Variants in CNNM2 observed in about 807,000 individuals in gnomAD.
CNNM2 encodes cyclin and CBS domain divalent metal cation transport mediator 2, also known as metal transporter CNNM2.
A neutral mutation model predicts 66.9 loss-of-function variants in CNNM2; 12 were observed. That is an observed-to-expected ratio of 0.18 (90% CI 0.11 to 0.29). The LOEUF is 0.29. Ranked by LOEUF, CNNM2 falls within the 10% of genes least tolerant of loss-of-function variation. The pLI is 1.00. For synonymous variants in CNNM2, 557 were observed against 501.8 expected (o/e 1.11, Z -1.47); for missense variants, 705 against 1,167.7 (o/e 0.60, Z 5.77).
Position 102,973,520 on chromosome 10 carries a change from T to TG in CNNM2, c.1621+53419_1621+53420insG, listed in dbSNP as rs1423065192. On this transcript the variant is annotated intron_variant, in intron 1 of 7. Transcript: ENST00000369878. ...TAATTTTCTGTGTGTGTGTGTGTGTTTTTTTTTTTTTTGGTAGAGACAAGG... is the reference window on the plus strand; with the variant it reads ...TAATTTTCTGTGTGTGTGTGTGTGTTGTTTTTTTTTTTTGGTAGAGACAAGG... Among the ~76,000 whole-genome samples the TG allele has an allele frequency of 3.1e-3, 356 of 116,344 alleles. 1 individual carries two copies. Among genetic ancestry groups the TG allele is most frequent in the African/African-American group, 9.7e-3 (340 of 35,148 alleles). 76.3% of individuals were successfully genotyped at this position (116,344 alleles called of 152,430 possible).
chr10:103,010,664 G>A (rs2064325024), intron 1 of CNNM2, among the ~76,000 whole-genome samples: 1 of 152,134 alleles, frequency 6.6e-6, no homozygotes, highest in Admixed American at 6.5e-5. Context: ...CCAGGCTGGA[G>A]TGCAGTGGTG....
At chr10:102,985,230 C>T (rs767768787) in intron 1 of CNNM2, among the ~76,000 whole-genome samples, 8 of 151,992 alleles carry the variant, frequency 5.3e-5, no homozygotes, top group African/African-American at 1.2e-4. Flanking sequence ...ATTTGAATAG[C>T]GGATCCTTTC....
rs978604054 is a variant in CNNM2, at chr10:103,087,896, C to T, written c.*10716C>T. On this transcript the variant is annotated 3_prime_UTR_variant, in exon 8 of 8. Transcript: ENST00000369878. Reference sequence around the variant, plus strand: ...AAAGTAGTGAGACAGACAGTATATCCTTGACTAAGTTATCAGGCTGTGTTC... The same window carrying T: ...AAAGTAGTGAGACAGACAGTATATCTTTGACTAAGTTATCAGGCTGTGTTC... 2.6e-5 allele frequency: 4 copies of T among 152,196 alleles called. No individual in the cohort carries two copies. The highest frequency in any genetic ancestry group is 7.2e-5 in the African/African-American group (3 of 41,456). 9.4% of individuals were successfully genotyped at this position (152,196 alleles called of 1,614,324 possible).
rs74808043 is a variant in CNNM2 at position 102,978,254 on chromosome 10, C to T, written c.1621+58153C>T. Among the ~76,000 whole-genome samples, 1,271 of 150,704 alleles carry T rather than the reference C, an allele frequency of 8.4e-3. 7 individuals are homozygous for T. The highest frequency in any genetic ancestry group is 0.015 in the Non-Finnish European group (1,012 of 67,676). ...TCCACTTAGAGCCATCTCAAACATA[C>T]GATTTTCAAAACTGGACTCGATTTT... On this transcript the variant is annotated intron_variant, in intron 1 of 7. Coordinates refer to ENST00000369878, the MANE Select transcript of CNNM2 (RefSeq NM_017649.5).
At chr10:102,933,311 C>T (rs1298177184) in intron 1 of CNNM2, among the ~76,000 whole-genome samples, 1 of 152,136 alleles carries the variant, frequency 6.6e-6, no homozygotes, top group African/African-American at 2.4e-5. Flanking sequence ...CCTTCAACAA[C>T]GTTTTGTAGT....
rs899415109 is a variant in CNNM2 at position 103,088,246 on chromosome 10, T to TAAAG, written c.*11072_*11075dup. ...AGAATGGAAGAAAATATACAATGGT[T>TAAAG]AAAGAAAGAGTCTATAACCACTGTT... On this transcript the variant is annotated 3_prime_UTR_variant, in exon 8 of 8. Coordinates refer to ENST00000369878, the MANE Select transcript of CNNM2 (RefSeq NM_017649.5). 8 of 152,222 alleles carry TAAAG rather than the reference T, an allele frequency of 5.3e-5. No individual in the cohort carries two copies. Among genetic ancestry groups the TAAAG allele is most frequent in the Admixed American group, 4.6e-4 (7 of 15,288 alleles). 9.4% of individuals were successfully genotyped at this position (152,222 alleles called of 1,614,324 possible). A position where few individuals can be genotyped will look rare whatever the true frequency, so the allele number is the denominator to read the frequency against.
chr10:103,006,862 G>A (rs900141895), intron 1 of CNNM2, among the ~76,000 whole-genome samples: 2 of 152,062 alleles, frequency 1.3e-5, no homozygotes, highest in African/African-American at 4.8e-5. Context: ...GAAATTCCTG[G>A]CCTCAAGCGA....
chr10:103,012,935 A>G (rs1438908367), intron 1 of CNNM2, among the ~76,000 whole-genome samples: 1 of 152,142 alleles, frequency 6.6e-6, no homozygotes, highest in Non-Finnish European at 1.5e-5. Flanking sequence ...TCTTGCTTCA[A>G]ACATAGAAAG....
chr10:102,929,408 A>C (rs1347132698), intron 1 of CNNM2, among the ~76,000 whole-genome samples: 3 of 151,766 alleles, frequency 2.0e-5, no homozygotes. Flanking sequence ...GTACTACTGC[A>C]TTCCAGCCTG....
intron 1 of CNNM2, among the ~76,000 whole-genome samples, chr10:102,959,478 A>G (rs1484654258): frequency 6.6e-6 from 1 of 152,254 alleles, no homozygotes; most frequent in Non-Finnish European, 1.5e-5. Flanking sequence ...GAGCCTTGAT[A>G]TCAGACATCT....
At chr10:103,010,416 G>A (rs567918730) in intron 1 of CNNM2, among the ~76,000 whole-genome samples, 1 of 151,160 alleles carries the variant, frequency 6.6e-6, no homozygotes, top group African/African-American at 2.4e-5. Context: ...TTTTTGTAGA[G>A]ATGGGGTTTC....
intron 1 of CNNM2, among the ~76,000 whole-genome samples, chr10:103,025,801 C>T (rs1030087679): frequency 6.6e-6 from 1 of 152,230 alleles, no homozygotes; most frequent in Non-Finnish European, 1.5e-5. Flanking sequence ...CCTAATTCAA[C>T]AGCAGGGATT....
intron 1 of CNNM2, among the ~76,000 whole-genome samples, chr10:103,012,809 C>T (rs2064370533): frequency 6.6e-6 from 1 of 152,116 alleles, no homozygotes; most frequent in Non-Finnish European, 1.5e-5. Flanking sequence ...TGGTTAAGTA[C>T]TGAACCCTTT....
chr10:102,965,025 G>A (rs772000341), intron 1 of CNNM2, among the ~76,000 whole-genome samples: 1 of 152,154 alleles, frequency 6.6e-6, no homozygotes, highest in East Asian at 1.9e-4. Flanking sequence ...GATGCAAGGC[G>A]CCATCTTGGA....
At chr10:103,006,302 G>A (rs2064226216) in intron 1 of CNNM2, among the ~76,000 whole-genome samples, 1 of 151,334 alleles carries the variant, frequency 6.6e-6, no homozygotes, top group Non-Finnish European at 1.5e-5. Context: ...TGCCTTGGGG[G>A]TTCAAGCAAT....
At chr10:102,962,730 GTA>G (rs1564822486) in intron 1 of CNNM2, among the ~76,000 whole-genome samples, 1 of 144,450 alleles carries the variant, frequency 6.9e-6, no homozygotes, top group Non-Finnish European at 1.5e-5. Context: ...GTGTGTGTGT[GTA>G]TTGTAGTATA....
In CNNM2 at chr10:103,054,003, G is replaced by A. The variant is rs757342928; in HGVS notation, c.1766-326G>A. Among the ~76,000 whole-genome samples, 1 of 152,190 alleles carries A rather than the reference G, an allele frequency of 6.6e-6. No individual in the cohort carries two copies. Among genetic ancestry groups the A allele is most frequent in the Non-Finnish European group, 1.5e-5 (1 of 68,036 alleles). On this transcript the variant is annotated intron_variant, in intron 2 of 7. Transcript: ENST00000369878. The surrounding 1 kb of genome is among the most constrained non-coding windows in gnomAD (Gnocchi z 5.2). ...CAGGCTGCGCGCCCTGTTGCTGTGT[G>A]CTTCTGTGGGTCTTGTGAGAGGCTC... is the stretch of plus-strand genomic sequence containing the variant.
chr10:103,074,939 G>GAAC (rs2065663214), intron 6 of CNNM2, among the ~76,000 whole-genome samples: 1 of 152,176 alleles, frequency 6.6e-6, no homozygotes, highest in South Asian at 2.1e-4. Context: ...GGGGTGAGAT[G>GAAC]AACAGCTGCA....
intron 1 of CNNM2, among the ~76,000 whole-genome samples, chr10:103,014,809 T>C (rs1454002186): frequency 6.6e-6 from 1 of 152,054 alleles, no homozygotes; most frequent in African/African-American, 2.4e-5. Context: ...GGAGGATCAC[T>C]TGAACCCAGC....
Sources: allele counts gnomAD v4.1 joint callset (sites outside exome capture counted in the v4.1 genomes callset), GRCh38; gene constraint gnomAD v4.1.1; non-coding constraint Gnocchi (gnomAD v3.1); transcripts MANE v1.5; gene names NCBI Gene and HGNC (gene_info 2026-07-23, HGNC 2026-07-21).